Variants in ADGRV1 observed in about 807,000 individuals in gnomAD.
ADGRV1 encodes G-protein coupled receptor 98.
Under a neutral mutation model 596.2 loss-of-function variants are expected in ADGRV1, and 359 were observed. The observed-to-expected ratio is 0.60, with a 90% CI of 0.55 to 0.66. The LOEUF (loss-of-function observed/expected upper bound fraction) is 0.66. ADGRV1 is among the 30% of genes least tolerant of loss of function. The pLI, the probability that ADGRV1 is intolerant of heterozygous loss-of-function variation, is 0.00. For synonymous variants in ADGRV1, 2,681 were observed against 2,679.2 expected, an observed-to-expected ratio of 1.00 and a Z score of -0.02; for missense variants, 7,274 against 7,575.6, an observed-to-expected ratio of 0.96 and a Z score of 1.48.
chr5:90,643,872 A>G lies in ADGRV1; in HGVS notation c.2623A>G (p.Ile875Val), dbSNP rs1479999430. ...ERESKLGSATIVNITILKNDD... is the reference protein window; with the variant it reads ...ERESKLGSATVVNITILKNDD... Reference sequence around the variant, plus strand: ...GGAAAGCAAGTTGGGAAGTGCCACCATTGTCAATATAACGATTCTGAAAAA... The same window carrying G: ...GGAAAGCAAGTTGGGAAGTGCCACCGTTGTCAATATAACGATTCTGAAAAA... The change falls in exon 14 of 90, where the codon ATT becomes GTT. Residue 875 changes from isoleucine (I) to valine (V), a missense_variant. This residue lies in a region of ADGRV1 where 1,715 missense variants were observed against 1,708.8 expected (regional missense o/e 1.00). Coordinates refer to ENST00000405460, the MANE Select transcript of ADGRV1 (RefSeq NM_032119.4). 19 of 1,611,634 alleles carry G rather than the reference A, an allele frequency of 1.2e-5. No individual in the cohort carries two copies. The highest frequency in any genetic ancestry group is 1.6e-4 in the Middle Eastern group (1 of 6,082).
intron 85 of ADGRV1, among the ~76,000 whole-genome samples, chr5:91,021,008 G>A (rs968296949): frequency 6.6e-6 from 1 of 152,008 alleles, no homozygotes; most frequent in Non-Finnish European, 1.5e-5. Flanking sequence ...ATATGTAAAT[G>A]AGAGTTTACT....
chr5:90,901,958 A>G lies in ADGRV1; in HGVS notation c.17856+38101A>G, dbSNP rs111556492. ...TGGCCTCTTGGGATAGTGGAAGCAG[A>G]GAGGACAGTTTAGAGGCCTTTGCAG... is the stretch of plus-strand genomic sequence containing the variant. On this transcript the variant is annotated intron_variant, in intron 83 of 89. Transcript: ENST00000405460. Among the ~76,000 whole-genome samples, 725 of 152,242 alleles carry G rather than the reference A, an allele frequency of 4.8e-3. 7 individuals are homozygous for G. Among genetic ancestry groups the G allele is most frequent in the Middle Eastern group, 0.037 (11 of 294 alleles).
At position 90,711,051 on chromosome 5, in the gene ADGRV1, A is replaced by G. The variant is rs943551355; in HGVS notation, c.8895A>G (p.Gln2965=). 1.9e-6 allele frequency: 3 copies of G among 1,609,932 alleles called. No homozygotes were observed. The South Asian group carries it at 3.3e-5, about 18-fold the overall frequency. The change falls in exon 40 of 90, where the codon CAA becomes CAG. Residue 2965 remains glutamine, a synonymous_variant. Transcript: ENST00000405460. ...NDGARGVIEW[Q]QSRFEVNETH... ...GGGCCCGAGGTGTAATTGAATGGCA[A>G]CAAAGCAGGTAAGGCCAAGGCTGCA...
intron 1 of ADGRV1, among the ~76,000 whole-genome samples, chr5:90,609,380 C>T (rs68096329): frequency 0.14 from 21,929 of 151,886 alleles, 1,891 homozygotes; most frequent in East Asian, 0.4. Context: ...ACATTAACTA[C>T]AGTCTGAGTA....
chr5:90,642,475 T>G (rs897553889), intron 11 of ADGRV1, among the ~76,000 whole-genome samples, 161 bp from the exon 12 acceptor site: 2 of 152,198 alleles, frequency 1.3e-5, no homozygotes, highest in African/African-American at 2.4e-5. Context: ...ACTGTTTTGA[T>G]CTTAAATGAT....
At chr5:90,916,630 A>ATTT (rs1189256227) in intron 83 of ADGRV1, among the ~76,000 whole-genome samples, 3 of 62,338 alleles carry the variant, frequency 4.8e-5, no homozygotes, top group African/African-American at 1.4e-4. Context: ...AGCGTTCACA[A>ATTT]ATTTTTTTTT....
chr5:91,071,989 T>C (rs1297458992), intron 85 of ADGRV1, among the ~76,000 whole-genome samples: 1 of 152,120 alleles, frequency 6.6e-6, no homozygotes, highest in Non-Finnish European at 1.5e-5. Flanking sequence ...TAATCCTTAT[T>C]TTAAAGATGA....
intron 67 of ADGRV1, among the ~76,000 whole-genome samples, chr5:90,786,449 T>A (rs1184787913): frequency 6.6e-6 from 1 of 152,040 alleles, no homozygotes; most frequent in Non-Finnish European, 1.5e-5. Context: ...CATTAGAAAA[T>A]CGTAAGCCAG....
At chr5:90,864,679 G>C (rs936284655) in intron 83 of ADGRV1, among the ~76,000 whole-genome samples, 2 of 152,000 alleles carry the variant, frequency 1.3e-5, no homozygotes, top group African/African-American at 2.4e-5. Flanking sequence ...CATTTATATA[G>C]GCAAAGGAAA....
intron 83 of ADGRV1, among the ~76,000 whole-genome samples, chr5:90,937,606 C>CA (rs1352565916): frequency 1.3e-5 from 2 of 152,040 alleles, no homozygotes; most frequent in Non-Finnish European, 2.9e-5. Context: ...TACAGGCACC[C>CA]ACCACCACGC....
chr5:91,130,816 A>G (rs2950858), intron 87 of ADGRV1, among the ~76,000 whole-genome samples: 113,916 of 152,154 alleles, frequency 0.75, 45,694 homozygotes, highest in Non-Finnish European at 0.89. Flanking sequence ...GTTTATCCCC[A>G]TCCTTGTGTC....
Position 90,810,914 on chromosome 5 carries a change from A to T in ADGRV1, c.15654A>T (p.Gly5218=). 3 of 1,614,022 alleles carry T rather than the reference A, an allele frequency of 1.9e-6. No homozygotes were observed. The highest frequency in any genetic ancestry group is 2.5e-6 in the Non-Finnish European group (3 of 1,179,894). The part of the protein sequence containing the change: ...ATVTANVSIH[G]TFSLGPSIVY... ...TAACTGCCAATGTTTCCATTCATGG[A>T]ACATTCAGCCTTGGGCCATCCATTG... Residue 5218 remains glycine, a synonymous_variant, in exon 74 of 90, where the codon GGA becomes GGT. Transcript: ENST00000405460.
chr5:90,586,446 C>G (rs1335790924), intron 1 of ADGRV1, among the ~76,000 whole-genome samples: 1 of 152,112 alleles, frequency 6.6e-6, no homozygotes, highest in Non-Finnish European at 1.5e-5. Flanking sequence ...TGACAGTAGT[C>G]TTCTTGGCAT....
chr5:90,853,383 A>G lies in ADGRV1; in HGVS notation c.17304A>G (p.Gly5768=), dbSNP rs992083677. The change falls in exon 80 of 90, where the codon GGA becomes GGG. Residue 5768 remains glycine (G), a synonymous_variant. Transcript: ENST00000405460. The stretch of plus-strand genomic sequence containing the variant: ...GACACAAGTTTGAAGGAAAGGAAGG[A>G]GATTACATTCGAATTCCAGAGAGGC... ...INGHKFEGKE[G]DYIRIPERLL... is the part of the protein sequence containing the mutation. 3.1e-6 allele frequency: 5 copies of G among 1,613,456 alleles called. No individual in the cohort carries two copies.
intron 82 of ADGRV1, 141 bp from the exon 83 acceptor site, chr5:90,863,616 C>G: frequency 1.5e-6 from 1 of 669,886 alleles, no homozygotes; most frequent in Non-Finnish European, 2.8e-6. Flanking sequence ...ATTACAATTG[C>G]CATGTCATCT....
chr5:90,613,318 A>G (rs752217776), intron 1 of ADGRV1, among the ~76,000 whole-genome samples: 1 of 151,868 alleles, frequency 6.6e-6, no homozygotes, highest in Non-Finnish European at 1.5e-5. Flanking sequence ...CCTTGCCACT[A>G]TTTGTCCTAA....
chr5:90,706,119 C>A, intron 37 of ADGRV1, 112 bp from the exon 38 acceptor site: 1 of 791,640 alleles, frequency 1.3e-6, no homozygotes, highest in Admixed American at 3.0e-5. Flanking sequence ...GGAATTGGGA[C>A]CAATAATACT....
At chr5:90,947,441 A>G (rs968299634) in intron 83 of ADGRV1, among the ~76,000 whole-genome samples, 2 of 152,024 alleles carry the variant, frequency 1.3e-5, no homozygotes, top group Non-Finnish European at 2.9e-5. Context: ...GTTTAGTTTA[A>G]TTAGATCCCA....
At chr5:90,812,183 C>T (rs1561784911) in intron 74 of ADGRV1, among the ~76,000 whole-genome samples, 1 of 152,144 alleles carries the variant, frequency 6.6e-6, no homozygotes, top group Admixed American at 6.5e-5. Flanking sequence ...GCCTCAGCCT[C>T]CCAAAGTGCT....
Sources: gnomAD v4.1 joint callset for allele counts (sites outside exome capture counted in the v4.1 genomes callset) on GRCh38, gnomAD v4.1.1 for gene constraint, gnomAD v4.1.1 regional missense constraint, MANE v1.5 for transcripts, NCBI Gene and HGNC (gene_info 2026-07-23, HGNC 2026-07-21) for gene names.